P2RX7: variants seen among roughly 807,000 people sequenced by gnomAD.
P2RX7 encodes the protein P2X purinoceptor 7.
P2RX7 carries 62 observed loss-of-function variants against 71.6 expected under a neutral mutation model. That is an observed-to-expected ratio of 0.87 (90% CI 0.71 to 1.07). The LOEUF is 1.07. P2RX7 is among the 50% of genes least tolerant of loss of function. The probability of loss-of-function intolerance (pLI) is 0.00; values close to 1 mark genes in which losing one functional copy is unlikely to be tolerated. For synonymous variants in P2RX7, 299 were observed against 283.3 expected (o/e 1.06, Z -0.56); for missense variants, 686 against 748.5 (o/e 0.92, Z 0.97).
chr12:121,155,998 C>T (rs373430025), intron 2 of P2RX7, 81 bp from the exon 3 acceptor site: 82 of 1,267,338 alleles, frequency 6.5e-5, no homozygotes, highest in East Asian at 5.6e-4. Flanking sequence ...TGGAGAGGTT[C>T]GCCCAGCAAG....
intron 7 of P2RX7, among the ~76,000 whole-genome samples, chr12:121,166,654 T>G (rs1881097952): frequency 1.3e-5 from 2 of 152,080 alleles, no homozygotes; most frequent in South Asian, 4.1e-4. Flanking sequence ...GTGTCCAATC[T>G]CCCTTTGCCT....
intron 3 of P2RX7, among the ~76,000 whole-genome samples, chr12:121,158,984 G>A (rs947857289): frequency 2.0e-4 from 30 of 152,180 alleles, no homozygotes; most frequent in African/African-American, 6.3e-4. Context: ...GGAGACCAAC[G>A]GCATGCCATG....
intron 8 of P2RX7, among the ~76,000 whole-genome samples, chr12:121,168,030 A>G (rs1244293193): frequency 1.3e-5 from 2 of 152,036 alleles, no homozygotes; most frequent in Non-Finnish European, 2.9e-5. Flanking sequence ...ATCACCCATA[A>G]TTCCCCTACC....
chr12:121,173,095 G>C (rs1450226925), intron 8 of P2RX7, among the ~76,000 whole-genome samples: 1 of 152,190 alleles, frequency 6.6e-6, no homozygotes, highest in Non-Finnish European at 1.5e-5. Flanking sequence ...ACGGGTGACT[G>C]TGATGATTTG....
chr12:121,159,065 T>C (rs1274793190), intron 3 of P2RX7, among the ~76,000 whole-genome samples: 3 of 152,204 alleles, frequency 2.0e-5, no homozygotes, highest in African/African-American at 4.8e-5. Context: ...TCATTGAGCA[T>C]GTACTATGTG....
intron 1 of P2RX7, among the ~76,000 whole-genome samples, chr12:121,139,826 C>G (rs1053041926): frequency 8.6e-5 from 13 of 151,498 alleles, no homozygotes; most frequent in Non-Finnish European, 1.3e-4. Flanking sequence ...CCCCCACCTC[C>G]TGGGTTCATG....
intron 12 of P2RX7, among the ~76,000 whole-genome samples, chr12:121,182,061 T>TA (rs57873643): frequency 0.19 from 24,641 of 128,838 alleles, 2,407 homozygotes; most frequent in South Asian, 0.3. Flanking sequence ...AAGCTCCATC[T>TA]AAAAAAAAAA....
intron 2 of P2RX7, among the ~76,000 whole-genome samples, chr12:121,155,578 A>T (rs208289): frequency 1.2e-4 from 18 of 151,632 alleles, no homozygotes; most frequent in Non-Finnish European, 2.2e-4. Context: ...CGGCTTGGGG[A>T]GCTAAAATGC....
At chr12:121,181,115 A>G (rs941887774) in intron 12 of P2RX7, among the ~76,000 whole-genome samples, 2 of 152,172 alleles carry the variant, frequency 1.3e-5, no homozygotes, top group African/African-American at 4.8e-5. Context: ...GTTTCCAAAG[A>G]TTAATTTTAC....
chr12:121,145,735 T>C (rs1437942363), intron 1 of P2RX7, among the ~76,000 whole-genome samples: 1 of 152,000 alleles, frequency 6.6e-6, no homozygotes, highest in African/African-American at 2.4e-5. Context: ...CTCAAACTCC[T>C]GACCTCTTGA....
chr12:121,170,181 G>A (rs1881898324), intron 8 of P2RX7, among the ~76,000 whole-genome samples: 1 of 152,112 alleles, frequency 6.6e-6, no homozygotes, highest in Non-Finnish European at 1.5e-5. Flanking sequence ...ATCATCCCCT[G>A]CCGCTGTGCT....
At chr12:121,167,391 A>G in intron 7 of P2RX7, 97 bp from the exon 8 acceptor site, 1 of 1,452,682 alleles carries the variant, frequency 6.9e-7, no homozygotes, top group Non-Finnish European at 9.5e-7. Flanking sequence ...TTTTTCCTCT[A>G]AAAACCTTAA....
At chr12:121,146,437 A>G (rs1420955512) in intron 1 of P2RX7, among the ~76,000 whole-genome samples, 4 of 151,524 alleles carry the variant, frequency 2.6e-5, no homozygotes, top group Non-Finnish European at 4.4e-5. Flanking sequence ...GATTACAGGC[A>G]TACATCGCCA....
chr12:121,133,090 C>T lies in P2RX7; in HGVS notation c.120C>T (p.Tyr40=), dbSNP rs758094972. ...KWFFHVIIFS[Y]VCFALVSDKL... ...TCTTCCACGTGATCATCTTTTCCTA[C>T]GTTTGGTAAGTGGGATCTGGGGAGG... Residue 40 remains tyrosine, a synonymous_variant, in exon 1 of 13, where the codon TAC becomes TAT. Coordinates refer to ENST00000328963, the MANE Select transcript of P2RX7 (RefSeq NM_002562.6). 8.1e-6 allele frequency: 13 copies of T among 1,614,122 alleles called. No individual in the cohort carries two copies. The highest frequency in any genetic ancestry group is 1.1e-5 in the Non-Finnish European group (13 of 1,180,012).
At chr12:121,159,294 G>A (rs1251438185) in intron 3 of P2RX7, among the ~76,000 whole-genome samples, 1 of 151,746 alleles carries the variant, frequency 6.6e-6, no homozygotes, top group African/African-American at 2.4e-5. Flanking sequence ...GTGCGTGCCT[G>A]TAATCCCAGC....
chr12:121,175,327 A>G, intron 8 of P2RX7, 61 bp from the exon 9 acceptor site: 1 of 1,031,564 alleles, frequency 9.7e-7, no homozygotes, highest in Non-Finnish European at 1.4e-6. Context: ...AAAAAAAAAA[A>G]AACCCAAAAC....
At chr12:121,168,802 T>C (rs1481301574) in intron 8 of P2RX7, among the ~76,000 whole-genome samples, 2 of 152,160 alleles carry the variant, frequency 1.3e-5, no homozygotes, top group Non-Finnish European at 2.9e-5. Context: ...TTGAGTTGCT[T>C]CCAGTTTTTC....
intron 1 of P2RX7, among the ~76,000 whole-genome samples, chr12:121,143,922 A>G (rs1397183494): frequency 6.6e-6 from 1 of 152,214 alleles, no homozygotes; most frequent in Admixed American, 6.5e-5. Context: ...CCGGTTTTAA[A>G]TATACATTTC....
chr12:121,153,941 G>A (rs1449355484), intron 1 of P2RX7, among the ~76,000 whole-genome samples: 1 of 151,892 alleles, frequency 6.6e-6, no homozygotes, highest in Non-Finnish European at 1.5e-5. Context: ...GCAACATAAA[G>A]AGACCCCCGT....
Sources: gnomAD v4.1 joint callset for allele counts (sites outside exome capture counted in the v4.1 genomes callset) on GRCh38, gnomAD v4.1.1 for gene constraint, MANE v1.5 for transcripts, NCBI Gene and HGNC (gene_info 2026-07-23, HGNC 2026-07-21) for gene names.